Variants in ST6GALNAC3 observed in about 807,000 individuals in gnomAD.
The protein encoded by ST6GALNAC3 is alpha-N-acetylgalactosaminide alpha-2,6-sialyltransferase 3.
In ST6GALNAC3, 25 loss-of-function variants were observed where a neutral mutation model predicts 32.7. The observed-to-expected ratio is 0.76, with a 90% confidence interval of 0.56 to 1.07. ST6GALNAC3 has a LOEUF of 1.07. Among genes scored for constraint, ST6GALNAC3 ranks in the 50% least tolerant of loss-of-function variants. The pLI is 0.00. For missense variants in ST6GALNAC3, 355 were observed against 382.4 expected, an observed-to-expected ratio of 0.93 and a Z score of 0.60; for synonymous variants, 129 against 133.1, an observed-to-expected ratio of 0.97 and a Z score of 0.21.
intron 1 of ST6GALNAC3, among the ~76,000 whole-genome samples, chr1:76,092,120 G>A (rs1192803264): frequency 6.6e-6 from 1 of 152,130 alleles, no homozygotes; most frequent in African/African-American, 2.4e-5. Flanking sequence ...AGGCCAGAAT[G>A]GTACAAGTGG....
At chr1:76,357,143 T>TTTG (rs1420644831) in intron 2 of ST6GALNAC3, among the ~76,000 whole-genome samples, 37 of 146,058 alleles carry the variant, frequency 2.5e-4, no homozygotes, top group African/African-American at 8.8e-4. Flanking sequence ...TTTTTTTTTT[T>TTTG]TTCATTTTTG....
chr1:76,247,489 G>C (rs1439291924), intron 1 of ST6GALNAC3, among the ~76,000 whole-genome samples: 2 of 152,042 alleles, frequency 1.3e-5, no homozygotes, highest in African/African-American at 4.8e-5. Context: ...GCCCCTGACT[G>C]GGGCTGCTGC....
intron 3 of ST6GALNAC3, among the ~76,000 whole-genome samples, chr1:76,530,641 T>A (rs61773277): frequency 0.04 from 6,038 of 152,326 alleles, 160 homozygotes; most frequent in Middle Eastern, 0.061. Flanking sequence ...TGTGAGCCAA[T>A]AAATGTTTTC....
intron 2 of ST6GALNAC3, among the ~76,000 whole-genome samples, chr1:76,360,429 A>G (rs1216548965): frequency 6.6e-6 from 1 of 152,164 alleles, no homozygotes; most frequent in South Asian, 2.1e-4. Flanking sequence ...TTGTCAGCAT[A>G]TGGTGCCTAA....
chr1:76,346,554 T>A (rs1259606858), intron 2 of ST6GALNAC3, among the ~76,000 whole-genome samples: 1 of 152,234 alleles, frequency 6.6e-6, no homozygotes, highest in Non-Finnish European at 1.5e-5. Context: ...TTGGTACAAA[T>A]GCACATGGCT....
At chr1:76,455,394 G>A (rs955145668) in intron 3 of ST6GALNAC3, among the ~76,000 whole-genome samples, 1 of 152,148 alleles carries the variant, frequency 6.6e-6, no homozygotes, top group Non-Finnish European at 1.5e-5. Context: ...TGAGTGGAAG[G>A]TTTTATGTTC....
intron 3 of ST6GALNAC3, among the ~76,000 whole-genome samples, chr1:76,453,619 T>C (rs1304452429): frequency 6.6e-6 from 1 of 152,202 alleles, no homozygotes; most frequent in Non-Finnish European, 1.5e-5. Context: ...TTTCCAGTTT[T>C]ATTCCACTGT....
At chr1:76,271,451 C>T (rs890488754) in intron 1 of ST6GALNAC3, among the ~76,000 whole-genome samples, 1 of 152,196 alleles carries the variant, frequency 6.6e-6, no homozygotes. Context: ...GCTATAGTAA[C>T]CACTAAGCAA....
intron 3 of ST6GALNAC3, among the ~76,000 whole-genome samples, chr1:76,459,432 C>T (rs999712151): frequency 8.5e-5 from 13 of 152,084 alleles, no homozygotes; most frequent in Admixed American, 4.6e-4. Flanking sequence ...CGCGTGGTGG[C>T]GGGCACCTGT....
At chr1:76,450,730 A>G (rs1018902184) in intron 3 of ST6GALNAC3, among the ~76,000 whole-genome samples, 10 of 152,158 alleles carry the variant, frequency 6.6e-5, no homozygotes, top group African/African-American at 1.9e-4. Flanking sequence ...CGATTTTTGT[A>G]AAGTAAGAGA....
In ST6GALNAC3 at chr1:76,219,594, C is replaced by T. The variant is rs144338584; in HGVS notation, c.19-94211C>T. On this transcript the variant is annotated intron_variant, in intron 1 of 4. Coordinates refer to ENST00000328299, the MANE Select transcript of ST6GALNAC3 (RefSeq NM_152996.4). Reference sequence around the variant, plus strand: ...TGCTCTCCCTAGAACCATCACATGGCGATTTTCCTGGCGATCAGGGGCCCT... The same window carrying T: ...TGCTCTCCCTAGAACCATCACATGGTGATTTTCCTGGCGATCAGGGGCCCT... 1.2e-4 allele frequency among the ~76,000 whole-genome samples: 18 copies of T among 152,274 alleles called. No homozygotes were observed. The East Asian group carries it at 2.9e-3, about 24-fold the overall frequency.
At chr1:76,471,834 T>G (rs1461502359) in intron 3 of ST6GALNAC3, among the ~76,000 whole-genome samples, 1 of 152,122 alleles carries the variant, frequency 6.6e-6, no homozygotes, top group East Asian at 1.9e-4. Context: ...ATGTCTAAGT[T>G]CTACTTTCTA....
intron 3 of ST6GALNAC3, among the ~76,000 whole-genome samples, chr1:76,607,642 G>A (rs1279703834): frequency 6.6e-6 from 1 of 152,130 alleles, no homozygotes; most frequent in Non-Finnish European, 1.5e-5. Context: ...CTCTCTGCCG[G>A]GGATTTGGGA....
At chr1:76,376,272 T>C (rs1301730562) in intron 2 of ST6GALNAC3, among the ~76,000 whole-genome samples, 1 of 152,234 alleles carries the variant, frequency 6.6e-6, no homozygotes, top group Non-Finnish European at 1.5e-5. Context: ...GACATTAATA[T>C]AATCCACTGA....
intron 2 of ST6GALNAC3, among the ~76,000 whole-genome samples, chr1:76,373,937 A>G (rs1355450679): frequency 1.3e-5 from 2 of 152,000 alleles, no homozygotes; most frequent in Non-Finnish European, 2.9e-5. Flanking sequence ...GTGCCTGGTG[A>G]AGAGTACATT....
intron 3 of ST6GALNAC3, among the ~76,000 whole-genome samples, chr1:76,431,870 A>G (rs1655780592): frequency 6.6e-6 from 1 of 151,956 alleles, no homozygotes; most frequent in Admixed American, 6.6e-5. Context: ...ATTAGGCATC[A>G]CTCTTGGCAT....
chr1:76,436,782 T>C (rs1656175052), intron 3 of ST6GALNAC3, among the ~76,000 whole-genome samples: 1 of 152,126 alleles, frequency 6.6e-6, no homozygotes, highest in Admixed American at 6.5e-5. Flanking sequence ...GGTAAATAAC[T>C]GAATAAAGTC....
intron 1 of ST6GALNAC3, among the ~76,000 whole-genome samples, chr1:76,172,339 A>C (rs759117266): frequency 1.3e-5 from 2 of 152,186 alleles, no homozygotes; most frequent in Non-Finnish European, 2.9e-5. Flanking sequence ...AATATATCTC[A>C]AAATAATAAG....
chr1:76,264,179 A>G (rs1658403642), intron 1 of ST6GALNAC3, among the ~76,000 whole-genome samples: 1 of 152,156 alleles, frequency 6.6e-6, no homozygotes, highest in Non-Finnish European at 1.5e-5. Context: ...CTGAAATTCT[A>G]TTACTTAGAG....
Sources: gnomAD v4.1 joint callset for allele counts (sites outside exome capture counted in the v4.1 genomes callset) on GRCh38, gnomAD v4.1.1 for gene constraint, MANE v1.5 for transcripts, NCBI Gene and HGNC (gene_info 2026-07-23, HGNC 2026-07-21) for gene names.